The following SLCO3A1 variants were observed in gnomAD, a reference collection of about 807,000 sequenced individuals.
SLCO3A1 encodes the protein solute carrier organic anion transporter family member 3A1, also known as PGE1 transporter.
A neutral mutation model predicts 63.1 loss-of-function variants in SLCO3A1; 27 were observed. That is an observed-to-expected ratio of 0.43 (90% CI 0.32 to 0.59). SLCO3A1 has a LOEUF of 0.59. Ranked by LOEUF, SLCO3A1 falls within the 20% of genes least tolerant of loss-of-function variation. The probability of loss-of-function intolerance (pLI) is 0.09; values close to 1 mark genes in which losing one functional copy is unlikely to be tolerated. For missense variants in SLCO3A1, 773 were observed against 945.8 expected (o/e 0.82, Z 2.40); for synonymous variants, 473 against 409.9 (o/e 1.15, Z -1.86).
chr15:92,014,222 T>C (rs1270737689), intron 2 of SLCO3A1, among the ~76,000 whole-genome samples: 1 of 152,124 alleles, frequency 6.6e-6, no homozygotes, highest in Non-Finnish European at 1.5e-5. Context: ...GATGGGCGTC[T>C]CACCTAGATC....
chr15:92,062,976 G>A (rs1271326950), intron 2 of SLCO3A1, among the ~76,000 whole-genome samples: 1 of 152,244 alleles, frequency 6.6e-6, no homozygotes, highest in East Asian at 1.9e-4. Flanking sequence ...CAAAGTGGGA[G>A]TTGGTGAGAA....
chr15:91,924,245 C>G lies in SLCO3A1; in HGVS notation c.646+7787C>G, dbSNP rs1411831276. 2.0e-5 allele frequency among the ~76,000 whole-genome samples: 3 copies of G among 152,158 alleles called. No homozygotes were observed. In the East Asian group the frequency reaches 5.8e-4, roughly 29 times the overall value. On this transcript the variant is annotated intron_variant, in intron 2 of 9. Coordinates refer to ENST00000318445, the MANE Select transcript of SLCO3A1 (RefSeq NM_013272.4). ...CTGGGGAGCTGGTCCTTGCCTCGTC[C>G]TTCACCATTTGTTGCCCTGTGGGAG... is the stretch of plus-strand genomic sequence containing the variant.
At chr15:92,014,027 C>T (rs905129657) in intron 2 of SLCO3A1, among the ~76,000 whole-genome samples, 1 of 152,128 alleles carries the variant, frequency 6.6e-6, no homozygotes, top group Non-Finnish European at 1.5e-5. Context: ...CTTTTCTGGA[C>T]CAGGAGGGCA....
chr15:91,985,815 G>A (rs2046044678), intron 2 of SLCO3A1, among the ~76,000 whole-genome samples: 1 of 152,194 alleles, frequency 6.6e-6, no homozygotes, highest in African/African-American at 2.4e-5. Context: ...GCCTGAAGGG[G>A]TGGCCAAGAG....
chr15:92,021,214 G>A (rs528222687), intron 2 of SLCO3A1, among the ~76,000 whole-genome samples: 1 of 152,096 alleles, frequency 6.6e-6, no homozygotes, highest in South Asian at 2.1e-4. Flanking sequence ...GCAGCAGAAG[G>A]CCTGCTGAAT....
At chr15:92,150,916 GGTT>G in intron 8 of SLCO3A1, 31 bp from the exon 9 acceptor site, 1 of 1,534,952 alleles carries the variant, frequency 6.5e-7, no homozygotes, top group Non-Finnish European at 8.9e-7. Flanking sequence ...ATAAAAATCT[GGTT>G]TTTTTTTTCT....
chr15:92,035,268 G>A (rs1017242353), intron 2 of SLCO3A1, among the ~76,000 whole-genome samples: 3 of 151,828 alleles, frequency 2.0e-5, no homozygotes, highest in African/African-American at 7.2e-5. Flanking sequence ...GCTCTGTGCT[G>A]TATATGTTAT....
intron 2 of SLCO3A1, among the ~76,000 whole-genome samples, chr15:92,077,450 C>A (rs911356790): frequency 6.6e-6 from 1 of 152,194 alleles, no homozygotes; most frequent in Admixed American, 6.5e-5. Context: ...GAGCCACCCT[C>A]AGAGGAGCTG....
At chr15:92,153,100 T>C (rs2151595313) in intron 9 of SLCO3A1, among the ~76,000 whole-genome samples, 1 of 152,352 alleles carries the variant, frequency 6.6e-6, no homozygotes, top group Middle Eastern at 3.4e-3. Flanking sequence ...TCAATATCTG[T>C]ATGTCTGCCC....
chr15:91,983,342 C>T (rs112749823), intron 2 of SLCO3A1, among the ~76,000 whole-genome samples: 5 of 152,212 alleles, frequency 3.3e-5, no homozygotes, highest in Middle Eastern at 3.4e-3. Context: ...GAGAATTACC[C>T]GAGTGGGAGG....
At chr15:92,001,683 G>T (rs979780802) in intron 2 of SLCO3A1, among the ~76,000 whole-genome samples, 7 of 152,156 alleles carry the variant, frequency 4.6e-5, no homozygotes, top group African/African-American at 1.7e-4. Context: ...ACACAGTAGG[G>T]TTTCCATTCT....
Position 91,918,933 on chromosome 15 carries a change from A to G in SLCO3A1, c.646+2475A>G, listed in dbSNP as rs568577144. On this transcript the variant is annotated intron_variant, in intron 2 of 9. Transcript: ENST00000318445. ...TGGTCTAGAGAGGGGCCCACAACCAATTGTCTGGTCATATGCCTAAATCGT... is the reference window on the plus strand; with the variant it reads ...TGGTCTAGAGAGGGGCCCACAACCAGTTGTCTGGTCATATGCCTAAATCGT... Among the ~76,000 whole-genome samples, 5 of 152,308 alleles carry G rather than the reference A, an allele frequency of 3.3e-5. No individual in the cohort carries two copies. The East Asian group carries it at 9.7e-4, about 29-fold the overall frequency.
At chr15:91,917,512 G>A (rs1009396506) in intron 2 of SLCO3A1, among the ~76,000 whole-genome samples, 9 of 152,196 alleles carry the variant, frequency 5.9e-5, no homozygotes, top group South Asian at 2.1e-4. Context: ...TGGAGTAGAC[G>A]CGTTTACTGA....
At chr15:92,070,410 AGG>A (rs1383121729) in intron 2 of SLCO3A1, among the ~76,000 whole-genome samples, 1 of 152,240 alleles carries the variant, frequency 6.6e-6, no homozygotes, top group Non-Finnish European at 1.5e-5. Context: ...TGGGAGGCCA[AGG>A]TGGGCAGATC....
At chr15:91,964,418 C>G (rs1171218179) in intron 2 of SLCO3A1, among the ~76,000 whole-genome samples, 1 of 152,048 alleles carries the variant, frequency 6.6e-6, no homozygotes, top group African/African-American at 2.4e-5. Context: ...AGCAAACCCT[C>G]ACATGCATCA....
intron 2 of SLCO3A1, among the ~76,000 whole-genome samples, chr15:92,055,362 A>G (rs544606326): frequency 6.6e-6 from 1 of 152,238 alleles, no homozygotes; most frequent in South Asian, 2.1e-4. Context: ...TGTTAGATGG[A>G]TAGATTGCAG....
intron 2 of SLCO3A1, among the ~76,000 whole-genome samples, chr15:91,932,295 A>G (rs1393025681): frequency 1.3e-5 from 2 of 152,300 alleles, no homozygotes; most frequent in East Asian, 1.9e-4. Context: ...CTTAAAACAT[A>G]TTCAAAATTA....
At chr15:91,973,904 A>G (rs186037558) in intron 2 of SLCO3A1, among the ~76,000 whole-genome samples, 13 of 152,328 alleles carry the variant, frequency 8.5e-5, no homozygotes, top group African/African-American at 2.2e-4. Flanking sequence ...AGAAACTTCT[A>G]TAAAGGTATT....
chr15:92,078,832 A>G (rs2047309555), intron 2 of SLCO3A1, among the ~76,000 whole-genome samples: 1 of 152,186 alleles, frequency 6.6e-6, no homozygotes, highest in Non-Finnish European at 1.5e-5. Context: ...CTCAGCCCTC[A>G]GCTCACTAGG....
Sources: gnomAD v4.1 joint callset for allele counts (sites outside exome capture counted in the v4.1 genomes callset) on GRCh38, gnomAD v4.1.1 for gene constraint, MANE v1.5 for transcripts, NCBI Gene and HGNC (gene_info 2026-07-23, HGNC 2026-07-21) for gene names.